Variants in CDK17 observed in about 807,000 individuals in gnomAD.
The protein encoded by CDK17 is cyclin-dependent kinase 17.
Under a neutral mutation model 77.6 loss-of-function variants are expected in CDK17, and 24 were observed. The observed-to-expected ratio is 0.31, with a 90% confidence interval of 0.22 to 0.44. The LOEUF (loss-of-function observed/expected upper bound fraction) is 0.44. Among genes scored for constraint, CDK17 ranks in the 20% least tolerant of loss-of-function variants. The probability of loss-of-function intolerance (pLI) is 1.00; values close to 1 mark genes in which losing one functional copy is unlikely to be tolerated. For synonymous variants in CDK17, 203 were observed against 210.4 expected (o/e 0.96, Z 0.30); for missense variants, 429 against 622.5 (o/e 0.69, Z 3.31).
chr12:96,371,844 T>C (rs958086497), intron 1 of CDK17, among the ~76,000 whole-genome samples: 2 of 152,278 alleles, frequency 1.3e-5, no homozygotes, highest in African/African-American at 4.8e-5. Context: ...TTGCCTCTTA[T>C]GTTTTTAAAC....
intron 5 of CDK17, among the ~76,000 whole-genome samples, chr12:96,305,972 T>A (rs895065401): frequency 6.6e-6 from 1 of 152,156 alleles, no homozygotes; most frequent in Non-Finnish European, 1.5e-5. Context: ...ACCTCCTGCC[T>A]CAGCCTCTCA....
intron 16 of CDK17, chr12:96,280,514 T>C: frequency 1.4e-6 from 2 of 1,408,798 alleles, no homozygotes; most frequent in Non-Finnish European, 9.2e-7. Flanking sequence ...CTGCCTCAGG[T>C]ACCAGGGATG....
intron 1 of CDK17, among the ~76,000 whole-genome samples, chr12:96,342,671 T>A (rs1264725075): frequency 1.3e-5 from 2 of 152,216 alleles, no homozygotes; most frequent in Non-Finnish European, 2.9e-5. Context: ...ACACTTAAAA[T>A]TTTTAATCCT....
chr12:96,372,267 G>A (rs1953707587), intron 1 of CDK17, among the ~76,000 whole-genome samples: 1 of 152,068 alleles, frequency 6.6e-6, no homozygotes. Flanking sequence ...GGTTTTCTTT[G>A]GGGGAAGAAG....
chr12:96,347,163 G>A (rs761584071), intron 1 of CDK17, among the ~76,000 whole-genome samples: 1 of 152,004 alleles, frequency 6.6e-6, no homozygotes, highest in Non-Finnish European at 1.5e-5. Flanking sequence ...AATATATTAA[G>A]CAAAAACAGA....
At chr12:96,311,002 A>G (rs764861840) in intron 5 of CDK17, 50 bp downstream of exon 5, 3 of 1,540,210 alleles carry the variant, frequency 1.9e-6, no homozygotes, top group Non-Finnish European at 1.7e-6. Flanking sequence ...CAGAAGCAGC[A>G]AACAAGCAGA....
chr12:96,305,743 G>A (rs1489373009), intron 5 of CDK17, among the ~76,000 whole-genome samples: 1 of 152,022 alleles, frequency 6.6e-6, no homozygotes, highest in African/African-American at 2.4e-5. Context: ...TTGAGACAGG[G>A]TCTCTTGCTC....
At chr12:96,344,884 G>A (rs888849277) in intron 1 of CDK17, among the ~76,000 whole-genome samples, 1 of 152,070 alleles carries the variant, frequency 6.6e-6, no homozygotes, top group African/African-American at 2.4e-5. Context: ...TGTTACATAG[G>A]TAAACATGTG....
At chr12:96,323,266 T>A (rs1418603161) in intron 3 of CDK17, among the ~76,000 whole-genome samples, 1 of 114,292 alleles carries the variant, frequency 8.7e-6, no homozygotes, top group Non-Finnish European at 1.8e-5. Flanking sequence ...GACCCCGTCT[T>A]CTAAAAAAAA....
intron 13 of CDK17, 38 bp downstream of exon 13, chr12:96,286,005 A>C: frequency 1.0e-6 from 1 of 982,200 alleles, no homozygotes. Context: ...GAAAAGAATC[A>C]TGTGTTTTCC....
intron 1 of CDK17, among the ~76,000 whole-genome samples, chr12:96,377,215 T>A (rs983294173): frequency 6.6e-6 from 1 of 152,196 alleles, no homozygotes; most frequent in African/African-American, 2.4e-5. Context: ...AAAATGTGGA[T>A]GAACTTCCTT....
chr12:96,351,947 C>A (rs1184834096), intron 1 of CDK17, among the ~76,000 whole-genome samples: 1 of 152,112 alleles, frequency 6.6e-6, no homozygotes, highest in Non-Finnish European at 1.5e-5. Flanking sequence ...ACTATAAAAT[C>A]ATAGTTTTTT....
At chr12:96,300,812 T>C (rs941081138) in intron 5 of CDK17, among the ~76,000 whole-genome samples, 1 of 152,188 alleles carries the variant, frequency 6.6e-6, no homozygotes, top group African/African-American at 2.4e-5. Flanking sequence ...TGAATATCTA[T>C]CAAGTTTTAA....
chr12:96,300,091 A>C (rs1209151080), intron 6 of CDK17, among the ~76,000 whole-genome samples: 1 of 152,000 alleles, frequency 6.6e-6, no homozygotes. Flanking sequence ...TCAAAGCTAT[A>C]AAAAAAATTC....
chr12:96,377,850 C>T (rs1213821714), intron 1 of CDK17, among the ~76,000 whole-genome samples: 1 of 152,028 alleles, frequency 6.6e-6, no homozygotes, highest in Non-Finnish European at 1.5e-5. Flanking sequence ...CCCGCCACTA[C>T]GCCCAGCTAA....
chr12:96,296,959 T>C (rs1226331653), intron 9 of CDK17, among the ~76,000 whole-genome samples: 1 of 152,192 alleles, frequency 6.6e-6, no homozygotes, highest in Non-Finnish European at 1.5e-5. Context: ...GCACCCATCA[T>C]TCGTGTTTAT....
chr12:96,301,856 T>C (rs1017636235), intron 5 of CDK17, among the ~76,000 whole-genome samples: 3 of 152,178 alleles, frequency 2.0e-5, no homozygotes, highest in South Asian at 2.1e-4. Flanking sequence ...CAAAGCTGAA[T>C]GGCCAAAAGT....
At chr12:96,396,280 T>C (rs1278444026) in intron 1 of CDK17, among the ~76,000 whole-genome samples, 1 of 152,208 alleles carries the variant, frequency 6.6e-6, no homozygotes, top group Non-Finnish European at 1.5e-5. Flanking sequence ...GTCAATATTT[T>C]GCAGATATCA....
At chr12:96,287,983 A>G (rs573937025) in intron 11 of CDK17, among the ~76,000 whole-genome samples, 1 of 152,280 alleles carries the variant, frequency 6.6e-6, no homozygotes, top group South Asian at 2.1e-4. Flanking sequence ...ATGGAGACAG[A>G]AAGTATTATA....
Sources: allele counts gnomAD v4.1 joint callset (sites outside exome capture counted in the v4.1 genomes callset), GRCh38; gene constraint gnomAD v4.1.1; transcripts MANE v1.5; gene names NCBI Gene and HGNC (gene_info 2026-07-23, HGNC 2026-07-21).